The following DLG2 variants were observed in gnomAD, a reference collection of about 807,000 sequenced individuals.
The protein encoded by DLG2 is disks large homolog 2.
A neutral mutation model predicts 132.5 loss-of-function variants in DLG2; 45 were observed. That is an observed-to-expected ratio of 0.34 (90% CI 0.27 to 0.44). The LOEUF is 0.44. DLG2 is among the 20% of genes least tolerant of loss of function. The probability of loss-of-function intolerance (pLI) is 1.00; values close to 1 mark genes in which losing one functional copy is unlikely to be tolerated. For missense variants in DLG2, 1,045 were observed against 1,196.9 expected (o/e 0.87, Z 1.87); for synonymous variants, 424 against 419.6 (o/e 1.01, Z -0.13).
At chr11:83,786,865 C>G (rs1295009950) in intron 17 of DLG2, 73 bp from the exon 18 acceptor site, 15 of 1,284,658 alleles carry the variant, frequency 1.2e-5, no homozygotes, top group Non-Finnish European at 1.7e-5. Context: ...AAAAGTTTCC[C>G]AAAACCAGGC....
intron 8 of DLG2, among the ~76,000 whole-genome samples, chr11:84,196,226 T>C (rs141078063): frequency 0.012 from 1,764 of 152,314 alleles, 38 homozygotes; most frequent in African/African-American, 0.037. Flanking sequence ...ATCTGGAAGA[T>C]AACTGTCATA....
chr11:84,417,481 A>C (rs959308715), intron 7 of DLG2, among the ~76,000 whole-genome samples: 8 of 152,132 alleles, frequency 5.3e-5, no homozygotes, highest in Non-Finnish European at 1.2e-4. Flanking sequence ...TAAATCATAC[A>C]TAGTCCCTCA....
At chr11:84,268,507 G>T (rs2097675695) in intron 7 of DLG2, among the ~76,000 whole-genome samples, 2 of 147,074 alleles carry the variant, frequency 1.4e-5, no homozygotes, top group South Asian at 4.3e-4. Flanking sequence ...TGTCACCCAG[G>T]CTGCAGTGCA....
chr11:85,148,966 T>C (rs2077046338), intron 5 of DLG2, among the ~76,000 whole-genome samples: 1 of 152,242 alleles, frequency 6.6e-6, no homozygotes, highest in Non-Finnish European at 1.5e-5. Context: ...TTTCTGCCTA[T>C]AGCTAGCCAG....
intron 7 of DLG2, among the ~76,000 whole-genome samples, chr11:84,334,480 C>G (rs536153482): frequency 6.6e-6 from 1 of 152,254 alleles, no homozygotes; most frequent in Admixed American, 6.5e-5. Flanking sequence ...CTCAGGGTCT[C>G]CATTAGCTTT....
chr11:83,515,566 C>T (rs2140168395), intron 21 of DLG2, among the ~76,000 whole-genome samples: 1 of 152,264 alleles, frequency 6.6e-6, no homozygotes, highest in Non-Finnish European at 1.5e-5. Context: ...CTTCTGATAA[C>T]TTTTGAATGT....
chr11:83,833,191 A>T (rs2055057268), intron 17 of DLG2, among the ~76,000 whole-genome samples: 1 of 152,192 alleles, frequency 6.6e-6, no homozygotes, highest in Admixed American at 6.6e-5. Flanking sequence ...TAATCCCAGC[A>T]CTTTGGGAGG....
chr11:84,468,321 C>T (rs2099099956), intron 7 of DLG2, among the ~76,000 whole-genome samples: 1 of 151,376 alleles, frequency 6.6e-6, no homozygotes, highest in African/African-American at 2.4e-5. Context: ...TTAATTGGAT[C>T]TTGTTGGCTA....
At chr11:84,474,306 T>G (rs2099116120) in intron 7 of DLG2, among the ~76,000 whole-genome samples, 1 of 152,068 alleles carries the variant, frequency 6.6e-6, no homozygotes, top group Admixed American at 6.6e-5. Context: ...AAGATTAATT[T>G]TCATTAAATA....
At chr11:84,849,839 T>A (rs780064503) in intron 6 of DLG2, among the ~76,000 whole-genome samples, 1 of 152,118 alleles carries the variant, frequency 6.6e-6, no homozygotes, top group Non-Finnish European at 1.5e-5. Flanking sequence ...TTTTCACTGC[T>A]GTGTGTCCCC....
At chr11:84,782,099 T>C (rs1296688801) in intron 6 of DLG2, among the ~76,000 whole-genome samples, 4 of 152,094 alleles carry the variant, frequency 2.6e-5, no homozygotes, top group African/African-American at 9.7e-5. Flanking sequence ...AACACTTCCA[T>C]GGATACCTGC....
At chr11:83,821,151 A>C (rs117752317) in intron 17 of DLG2, among the ~76,000 whole-genome samples, 1 of 152,196 alleles carries the variant, frequency 6.6e-6, no homozygotes, top group Non-Finnish European at 1.5e-5. Flanking sequence ...GAAAGTTCAC[A>C]TCTCATAACT....
At chr11:83,609,339 T>C (rs1199631932) in intron 19 of DLG2, among the ~76,000 whole-genome samples, 3 of 152,206 alleles carry the variant, frequency 2.0e-5, no homozygotes, top group African/African-American at 4.8e-5. Context: ...CAGGGCTTCA[T>C]ATGCTGTCAT....
intron 7 of DLG2, among the ~76,000 whole-genome samples, chr11:84,410,544 T>C (rs1009783095): frequency 6.7e-6 from 1 of 148,938 alleles, no homozygotes; most frequent in Non-Finnish European, 1.5e-5. Flanking sequence ...CTCTACTATA[T>C]AAACAATCAT....
intron 3 of DLG2, among the ~76,000 whole-genome samples, chr11:85,549,456 A>G (rs1242912993): frequency 6.6e-6 from 1 of 152,140 alleles, no homozygotes; most frequent in African/African-American, 2.4e-5. Context: ...TCTTCTTTAT[A>G]CTTTTCGATA....
chr11:84,600,531 C>G (rs2099574575), intron 6 of DLG2, among the ~76,000 whole-genome samples: 2 of 152,124 alleles, frequency 1.3e-5, no homozygotes, highest in African/African-American at 4.8e-5. Context: ...GTAACTTGTT[C>G]TGTAACACAA....
At chr11:85,438,699 T>G (rs2091619099) in intron 3 of DLG2, among the ~76,000 whole-genome samples, 1 of 152,206 alleles carries the variant, frequency 6.6e-6, no homozygotes, top group Non-Finnish European at 1.5e-5. Flanking sequence ...TACATGTATA[T>G]CATGTGTATA....
intron 14 of DLG2, among the ~76,000 whole-genome samples, chr11:83,961,151 C>T (rs2154155610): frequency 6.6e-6 from 1 of 152,120 alleles, no homozygotes; most frequent in African/African-American, 2.4e-5. Flanking sequence ...TCTTTGCATT[C>T]ATTAGCTCAC....
chr11:84,973,581 G>A (rs1034424280), intron 6 of DLG2, among the ~76,000 whole-genome samples: 5 of 152,192 alleles, frequency 3.3e-5, no homozygotes, highest in Non-Finnish European at 4.4e-5. Flanking sequence ...CATTATCACT[G>A]AGGATTCACA....
Sources: allele counts gnomAD v4.1 joint callset (sites outside exome capture counted in the v4.1 genomes callset), GRCh38; gene constraint gnomAD v4.1.1; transcripts MANE v1.5; gene names NCBI Gene and HGNC (gene_info 2026-07-23, HGNC 2026-07-21).